Variants in NR5A1 observed in about 807,000 individuals in gnomAD.
NR5A1 encodes the protein nuclear receptor subfamily 5 group A member 1.
Under a neutral mutation model 42.7 loss-of-function variants are expected in NR5A1, and 6 were observed. The observed-to-expected ratio is 0.14, with a 90% CI of 0.08 to 0.28. The LOEUF is 0.28. Ranked by LOEUF, NR5A1 falls within the 10% of genes least tolerant of loss-of-function variation. NR5A1 has a pLI of 1.00. For synonymous variants in NR5A1, 274 were observed against 277.5 expected (o/e 0.99, Z 0.12); for missense variants, 442 against 626.4 (o/e 0.71, Z 3.14).
At chr9:124,502,373 A>G (rs1287779907) in intron 3 of NR5A1, among the ~76,000 whole-genome samples, 1 of 151,800 alleles carries the variant, frequency 6.6e-6, no homozygotes, top group Non-Finnish European at 1.5e-5. Context: ...CCTCTCGCCC[A>G]GGCTGGAGTG....
rs905195267 is a variant in NR5A1, at chr9:124,496,849, C to T, written c.870+3241G>A. ...CCTGGCCCCCACCGTCCCCCCGGGT[C>T]CTCCCTTGCATCCTCCCAGCCTGTC... On this transcript the variant is annotated intron_variant, in intron 4 of 6. Transcript: ENST00000373588. The surrounding 1 kb of genome is among the most constrained non-coding windows in gnomAD (Gnocchi z 5.0). Among the ~76,000 whole-genome samples the T allele has an allele frequency of 1.3e-5, 2 of 152,224 alleles. No individual in the cohort carries two copies. The highest frequency in any genetic ancestry group is 2.9e-5 in the Non-Finnish European group (2 of 68,036).
rs557555877 is a variant in NR5A1 at position 124,504,380 on chromosome 9, G to A, written c.-15-970C>T. ...CCAGACGGGGGCCCGGGCCGCAGGA[G>A]GCGGAAAACGACGGCGCCGGGACCG... On this transcript the variant is annotated intron_variant, in intron 1 of 6. Transcript: ENST00000373588. Among the ~76,000 whole-genome samples the A allele has an allele frequency of 5.9e-5, 9 of 152,268 alleles. No individual in the cohort carries two copies. In the East Asian group the frequency reaches 1.8e-3, roughly 30 times the overall value.
intron 6 of NR5A1, 66 bp downstream of exon 6, chr9:124,491,015 T>TCGGG: frequency 2.0e-5 from 13 of 634,816 alleles, no homozygotes; most frequent in Middle Eastern, 5.0e-4. Context: ...CTCTCCAGCC[T>TCGGG]CACCCACCCT....
At chr9:124,490,938 A>G in intron 6 of NR5A1, 143 bp downstream of exon 6, 1 of 1,065,900 alleles carries the variant, frequency 9.4e-7, no homozygotes, top group Non-Finnish European at 1.4e-6. Context: ...TGTTCACTGA[A>G]TGAGTAAGGG....
In NR5A1 at chr9:124,503,401, C is replaced by T. The variant is rs571770910; in HGVS notation, c.-6G>A. 67 of 1,604,898 alleles carry T rather than the reference C, an allele frequency of 4.2e-5. 1 individual carries two copies. In the Admixed American group the frequency reaches 1.1e-3, roughly 26 times the overall value. On this transcript the variant is annotated 5_prime_UTR_variant, in exon 2 of 7. Transcript: ENST00000373588. This position sits in a 1 kb window ranked among gnomAD's most constrained non-coding sequence, Gnocchi z 9.6. The stretch of plus-strand genomic sequence containing the variant: ...TCGTCGTACGAATAGTCCATGCCCG[C>T]GGCGTCCGCCTGCGGAGGGACAGCG...
rs1221244372 is a variant in NR5A1, at chr9:124,500,064, C to A, written c.870+26G>T. On this transcript the variant is annotated intron_variant, in intron 4 of 6. Transcript: ENST00000373588. The surrounding 1 kb of genome is among the most constrained non-coding windows in gnomAD (Gnocchi z 6.9). ...CAGCCGGGAGGACCATGATGCAGGGCCAGCCGGGCGGGAGGAGAGACTCAC... is the reference window on the plus strand; with the variant it reads ...CAGCCGGGAGGACCATGATGCAGGGACAGCCGGGCGGGAGGAGAGACTCAC... The A allele has an allele frequency of 6.2e-7, 1 of 1,613,048 alleles. No individual in the cohort carries two copies. The highest frequency in any genetic ancestry group is 1.7e-5 in the Admixed American group (1 of 60,024).
At chr9:124,506,470 G>C (rs1253647730) in intron 1 of NR5A1, among the ~76,000 whole-genome samples, 2 of 152,192 alleles carry the variant, frequency 1.3e-5, no homozygotes, top group African/African-American at 4.8e-5. Flanking sequence ...CCCTCAGACA[G>C]TGACTGCAGG....
intron 5 of NR5A1, among the ~76,000 whole-genome samples, 156 bp from the exon 6 acceptor site, chr9:124,491,384 C>A (rs1832306785): frequency 6.6e-6 from 1 of 152,092 alleles, no homozygotes; most frequent in Middle Eastern, 3.2e-3. Context: ...GAGCCAGGCA[C>A]GGGTAACATC....
In NR5A1 at chr9:124,498,016, G is replaced by T. The variant is rs1832411383; in HGVS notation, c.870+2074C>A. 6.6e-6 allele frequency among the ~76,000 whole-genome samples: 1 copy of T among 152,212 alleles called. No individual in the cohort carries two copies. Among genetic ancestry groups the T allele is most frequent in the African/African-American group, 2.4e-5 (1 of 41,452 alleles). The stretch of plus-strand genomic sequence containing the variant: ...GTCTGACTTCTCCTCCAGGCTGGCA[G>T]CTTCCTGGGTCCAGATGATTTTAAT... On this transcript the variant is annotated intron_variant, in intron 4 of 6. Transcript: ENST00000373588. This position sits in a 1 kb window ranked among gnomAD's most constrained non-coding sequence, Gnocchi z 4.6.
At chr9:124,495,255 G>A (rs1420272914) in intron 4 of NR5A1, among the ~76,000 whole-genome samples, 1 of 152,184 alleles carries the variant, frequency 6.6e-6, no homozygotes, top group East Asian at 1.9e-4. Flanking sequence ...GGGCTGACTC[G>A]GCCATCTCTC....
chr9:124,497,472 G>A (rs889675801), intron 4 of NR5A1, among the ~76,000 whole-genome samples: 5 of 152,188 alleles, frequency 3.3e-5, no homozygotes, highest in African/African-American at 1.2e-4. Context: ...GATGGGGGAG[G>A]AAGACCCCAA....
At chr9:124,493,008 G>A in intron 5 of NR5A1, 22 bp downstream of exon 5, 1 of 1,565,616 alleles carries the variant, frequency 6.4e-7, no homozygotes, top group South Asian at 1.2e-5. Flanking sequence ...GGGCCCAGGG[G>A]CGGGGCCGAG....
In NR5A1 at chr9:124,500,044, G is replaced by T. The variant is rs573120182; in HGVS notation, c.870+46C>A. On this transcript the variant is annotated intron_variant, in intron 4 of 6. Coordinates refer to ENST00000373588, the MANE Select transcript of NR5A1 (RefSeq NM_004959.5). The surrounding 1 kb of genome is among the most constrained non-coding windows in gnomAD (Gnocchi z 6.9). ...CAGTCGGGCTAAGGCTTGGGCAGCCGGGAGGACCATGATGCAGGGCCAGCC... is the reference window on the plus strand; with the variant it reads ...CAGTCGGGCTAAGGCTTGGGCAGCCTGGAGGACCATGATGCAGGGCCAGCC... The T allele has an allele frequency of 3.4e-4, 543 of 1,612,732 alleles. 8 individuals carry two copies. In the South Asian group the frequency reaches 5.6e-3, roughly 17 times the overall value.
rs772183583 is a variant in NR5A1 at position 124,503,273 on chromosome 9, T to C, written c.102+21A>G. 3.7e-6 allele frequency: 6 copies of C among 1,607,220 alleles called. No homozygotes were observed. The highest frequency in any genetic ancestry group is 5.1e-6 in the Non-Finnish European group (6 of 1,177,564). The stretch of plus-strand genomic sequence containing the variant: ...CCGCAGCGCCCGTCTGCCGCACCCC[T>C]GCCGCGCGCTCGCCGCTCACCTTGC... On this transcript the variant is annotated intron_variant, in intron 2 of 6. Transcript: ENST00000373588. This position sits in a 1 kb window ranked among gnomAD's most constrained non-coding sequence, Gnocchi z 9.6.
At chr9:124,493,216 TCTC>T in intron 4 of NR5A1, 67 bp from the exon 5 acceptor site, 1 of 1,554,182 alleles carries the variant, frequency 6.4e-7, no homozygotes, top group Non-Finnish European at 8.7e-7. Flanking sequence ...TCTCACCCCT[TCTC>T]CTCCCACTGA....
rs1832507492 is a variant in NR5A1 at position 124,503,941 on chromosome 9, C to T, written c.-15-531G>A. 1.3e-5 allele frequency among the ~76,000 whole-genome samples: 2 copies of T among 151,486 alleles called. No homozygotes were observed. Among genetic ancestry groups the T allele is most frequent in the South Asian group, 2.1e-4 (1 of 4,796 alleles). The stretch of plus-strand genomic sequence containing the variant: ...AGACACGAGGCCAGTCCGAGAGTGC[C>T]AGAGACACAGACACTGAGACGCCCA... On this transcript the variant is annotated intron_variant, in intron 1 of 6. Transcript: ENST00000373588. This position sits in a 1 kb window ranked among gnomAD's most constrained non-coding sequence, Gnocchi z 9.6.
rs541619573 is a variant in NR5A1 at position 124,505,026 on chromosome 9, G to A, written c.-15-1616C>T. 1.4e-3 allele frequency among the ~76,000 whole-genome samples: 216 copies of A among 151,948 alleles called. 1 individual carries two copies. The highest frequency in any genetic ancestry group is 3.9e-3 in the South Asian group (19 of 4,818). On this transcript the variant is annotated intron_variant, in intron 1 of 6. Transcript: ENST00000373588. ...CGGGGGCCGGCCCCTCTATATCGGC[G>A]CGTGCGGTATCCGGGGGCGGAGGCC...
intron 6 of NR5A1, among the ~76,000 whole-genome samples, chr9:124,490,800 C>T (rs2131277250): frequency 6.6e-6 from 1 of 152,218 alleles, no homozygotes; most frequent in East Asian, 1.9e-4. Context: ...CCCCTAGATC[C>T]AGGGATTAGA....
At chr9:124,493,795 G>A (rs1174720298) in intron 4 of NR5A1, among the ~76,000 whole-genome samples, 2 of 152,220 alleles carry the variant, frequency 1.3e-5, no homozygotes, top group Non-Finnish European at 2.9e-5. Context: ...AGCAACAAGG[G>A]GCTGATTCCG....
Sources: gnomAD v4.1 joint callset for allele counts (sites outside exome capture counted in the v4.1 genomes callset) on GRCh38, gnomAD v4.1.1 for gene constraint, Gnocchi (gnomAD v3.1) non-coding constraint, MANE v1.5 for transcripts, NCBI Gene and HGNC (gene_info 2026-07-23, HGNC 2026-07-21) for gene names.